The following WDR17 variants were observed in gnomAD, a reference collection of about 807,000 sequenced individuals.
WDR17 encodes WD repeat domain 17, also known as WD repeat-containing protein 17.
A neutral mutation model predicts 161.7 loss-of-function variants in WDR17; 143 were observed. That is an observed-to-expected ratio of 0.88 (90% CI 0.77 to 1.02). The LOEUF (loss-of-function observed/expected upper bound fraction) is 1.02, where lower values mean the gene tolerates loss of function less well. Ranked by LOEUF, WDR17 falls within the 50% of genes least tolerant of loss-of-function variation. WDR17 has a pLI of 0.00. For synonymous variants in WDR17, 517 were observed against 515.6 expected (o/e 1.00, Z -0.04); for missense variants, 1,469 against 1,520.9 (o/e 0.97, Z 0.57).
At chr4:176,140,027 C>A (rs1216814527) in intron 10 of WDR17, 53 bp downstream of exon 10, 1 of 1,404,738 alleles carries the variant, frequency 7.1e-7, no homozygotes, top group South Asian at 1.2e-5. Context: ...ATAAAGCACT[C>A]ATTTGATCAT....
intron 5 of WDR17, among the ~76,000 whole-genome samples, chr4:176,126,764 T>A (rs567675888): frequency 6.6e-6 from 1 of 152,294 alleles, no homozygotes; most frequent in South Asian, 2.1e-4. Context: ...CGGACCCAGC[T>A]GGAGCTAATG....
intron 1 of WDR17, among the ~76,000 whole-genome samples, chr4:176,070,447 G>C (rs1173541149): frequency 2.0e-5 from 3 of 152,036 alleles, no homozygotes; most frequent in Non-Finnish European, 4.4e-5. Flanking sequence ...TCAATATATT[G>C]AATGCATATA....
chr4:176,161,025 G>A (rs1748961742), intron 20 of WDR17, 23 bp downstream of exon 20: 3 of 1,578,740 alleles, frequency 1.9e-6, no homozygotes, highest in Non-Finnish European at 8.6e-7. Flanking sequence ...TTTGCTCTGG[G>A]TCCATATGTT....
chr4:176,099,741 C>A (rs1737507074), intron 1 of WDR17, among the ~76,000 whole-genome samples: 1 of 152,032 alleles, frequency 6.6e-6, no homozygotes, highest in Non-Finnish European at 1.5e-5. Flanking sequence ...CACCCCCTCC[C>A]ACTCCTTCAC....
In WDR17 at chr4:176,127,723, A is replaced by G. The variant is rs182266044; in HGVS notation, c.791-1015A>G. On this transcript the variant is annotated intron_variant, in intron 5 of 28. Coordinates refer to ENST00000508596, the MANE Select transcript of WDR17 (RefSeq NM_181265.4). Reference sequence around the variant, plus strand: ...ATATTCACAAAGCTCTACAATTATTACCACTATCTAATTAACATATCATTA... The same window carrying G: ...ATATTCACAAAGCTCTACAATTATTGCCACTATCTAATTAACATATCATTA... Among the ~76,000 whole-genome samples the G allele has an allele frequency of 1.9e-3, 283 of 152,334 alleles. 1 individual carries two copies. Among genetic ancestry groups the G allele is most frequent in the Non-Finnish European group, 3.4e-3 (230 of 68,032 alleles).
intron 2 of WDR17, among the ~76,000 whole-genome samples, chr4:176,115,493 T>G (rs761299587): frequency 1.1e-4 from 17 of 152,076 alleles, no homozygotes; most frequent in Non-Finnish European, 1.3e-4. Context: ...TAAAAAGATA[T>G]AGCTATGGAA....
rs1310782859 is a variant in WDR17 at position 176,122,446 on chromosome 4, T to C, written c.538+2349T>C. 3.9e-5 allele frequency among the ~76,000 whole-genome samples: 6 copies of C among 152,246 alleles called. No individual in the cohort carries two copies. In the South Asian group the frequency reaches 1.2e-3, roughly 31 times the overall value. The stretch of plus-strand genomic sequence containing the variant: ...ACAGACTTGTTAACCTCATTTATTC[T>C]GTAGGATTTATTTAGCAATTAATGT... On this transcript the variant is annotated intron_variant, in intron 4 of 28. Coordinates refer to ENST00000508596, the MANE Select transcript of WDR17 (RefSeq NM_181265.4).
rs759801726 is a variant in WDR17, at chr4:176,173,252, G to T, written c.3245-15G>T. 3 of 1,550,060 alleles carry T rather than the reference G, an allele frequency of 1.9e-6. No homozygotes were observed. Among genetic ancestry groups the T allele is most frequent in the South Asian group, 1.2e-5 (1 of 84,384 alleles). On this transcript the variant is annotated splice_polypyrimidine_tract_variant and intron_variant, in intron 24 of 28. Coordinates refer to ENST00000508596, the MANE Select transcript of WDR17 (RefSeq NM_181265.4). ...TGTTATTTAATGAATCTTCCATCTGGTTTAATTTTTCCAGAATACATCAGT... is the reference window on the plus strand; with the variant it reads ...TGTTATTTAATGAATCTTCCATCTGTTTTAATTTTTCCAGAATACATCAGT...
intron 1 of WDR17, among the ~76,000 whole-genome samples, chr4:176,092,649 CA>C (rs1198621018): frequency 2.6e-5 from 4 of 151,596 alleles, no homozygotes; most frequent in African/African-American, 9.7e-5. Flanking sequence ...AAGACTCTAC[CA>C]AAAAAAATAG....
In WDR17 at chr4:176,148,262, T is replaced by C. The variant is rs370463271; in HGVS notation, c.1824T>C (p.Tyr608=). ...TGCTCATATCTGGCAGCTGGGACTA[T>C]ACTATAAAAGTATGGGACACTCGAG... is the stretch of plus-strand genomic sequence containing the variant. ...PYLLISGSWD[Y]TIKVWDTREG... is the part of the protein sequence containing the mutation. Residue 608 remains tyrosine (Y), a synonymous_variant, in exon 13 of 29, where the codon TAT becomes TAC. Transcript: ENST00000508596. The C allele has an allele frequency of 1.1e-5, 17 of 1,613,696 alleles. No homozygotes were observed. In the African/African-American group the frequency reaches 2.0e-4, roughly 19 times the overall value.
At chr4:176,171,959 A>G (rs1008980905) in intron 23 of WDR17, among the ~76,000 whole-genome samples, 1 of 152,194 alleles carries the variant, frequency 6.6e-6, no homozygotes, top group African/African-American at 2.4e-5. Context: ...TACAGCGTAG[A>G]GGACATGGAA....
intron 1 of WDR17, among the ~76,000 whole-genome samples, chr4:176,071,503 A>C (rs1328577157): frequency 6.6e-6 from 1 of 152,026 alleles, no homozygotes; most frequent in Non-Finnish European, 1.5e-5. Flanking sequence ...TTTTATTTTT[A>C]GTAGAGACGG....
At chr4:176,088,237 T>C (rs1735671756) in intron 1 of WDR17, among the ~76,000 whole-genome samples, 1 of 152,182 alleles carries the variant, frequency 6.6e-6, no homozygotes, top group Non-Finnish European at 1.5e-5. Flanking sequence ...ACATTAAAGA[T>C]AGTATATGAC....
chr4:176,171,186 CTATA>C (rs1750681575), intron 23 of WDR17, among the ~76,000 whole-genome samples: 1 of 152,174 alleles, frequency 6.6e-6, no homozygotes, highest in Non-Finnish European at 1.5e-5. Context: ...ACACTAAAAA[CTATA>C]TATTCACATA....
At chr4:176,174,541 A>T (rs920818873) in intron 25 of WDR17, 76 bp from the exon 26 acceptor site, 1 of 1,067,456 alleles carries the variant, frequency 9.4e-7, no homozygotes, top group Non-Finnish European at 1.4e-6. Flanking sequence ...TATATAAAGT[A>T]CATGAACTGT....
chr4:176,082,426 A>G (rs73874914), intron 1 of WDR17, among the ~76,000 whole-genome samples: 4,419 of 152,142 alleles, frequency 0.029, 207 homozygotes, highest in African/African-American at 0.099. Context: ...GTAAAATATG[A>G]TTTGAAAATA....
chr4:176,120,321 A>ATATATATATATATATAT (rs1561130376), intron 4 of WDR17, among the ~76,000 whole-genome samples: 4 of 134,872 alleles, frequency 3.0e-5, no homozygotes, highest in African/African-American at 1.2e-4. Context: ...TATATATATA[A>ATATATATATATATATAT]TACATTCAAC....
chr4:176,162,280 A>G (rs561777712), intron 21 of WDR17, 106 bp downstream of exon 21: 4 of 949,958 alleles, frequency 4.2e-6, no homozygotes, highest in Non-Finnish European at 6.3e-6. Context: ...CTGGTTTTGC[A>G]TGTCTTCGAA....
intron 1 of WDR17, among the ~76,000 whole-genome samples, chr4:176,072,649 T>A (rs954234561): frequency 2.0e-5 from 3 of 152,212 alleles, no homozygotes; most frequent in African/African-American, 7.2e-5. Context: ...TTCTGCATTT[T>A]CCAGATGTTT....
Sources: allele counts gnomAD v4.1 joint callset (sites outside exome capture counted in the v4.1 genomes callset), GRCh38; gene constraint gnomAD v4.1.1; transcripts MANE v1.5; gene names NCBI Gene and HGNC (gene_info 2026-07-23, HGNC 2026-07-21).